SLC6A17: variants seen among roughly 807,000 people sequenced by gnomAD.
The protein encoded by SLC6A17 is solute carrier family 6 member 17, also known as sodium-dependent neutral amino acid transporter SLC6A17.
Under a neutral mutation model 64.5 loss-of-function variants are expected in SLC6A17, and 21 were observed. That is an observed-to-expected ratio of 0.33 (90% confidence interval 0.23 to 0.47). The LOEUF is 0.47. Among genes scored for constraint, SLC6A17 ranks in the 20% least tolerant of loss-of-function variants. The pLI is 1.00. For missense variants in SLC6A17, 682 were observed against 963.2 expected (o/e 0.71, Z 3.86); for synonymous variants, 372 against 399.5 (o/e 0.93, Z 0.82).
In SLC6A17 at chr1:110,192,556, A is replaced by G. The variant is rs1231543095; in HGVS notation, c.1157A>G (p.Asp386Gly). The G allele has an allele frequency of 8.7e-6, 14 of 1,614,100 alleles. No individual in the cohort carries two copies. Among genetic ancestry groups the G allele is most frequent in the Non-Finnish European group, 1.2e-5 (14 of 1,179,998 alleles). The change falls in exon 8 of 12, where the codon GAC (aspartate) becomes GGC (glycine). Residue 386 changes from aspartate (D) to glycine (G), a missense_variant. By Grantham distance (94) the Asp-to-Gly change is moderately conservative. Transcript: ENST00000331565. The surrounding 1 kb of genome is among the most constrained non-coding windows in gnomAD (Gnocchi z 4.3). Reference sequence around the variant, plus strand: ...CTTAACACCAACGTCCTGAGCCGGGACCTCATCCCACCCCACGTCAACTTC... The same window carrying G: ...CTTAACACCAACGTCCTGAGCCGGGGCCTCATCCCACCCCACGTCAACTTC... ...GYLNTNVLSR[D>G]LIPPHVNFSH...
rs556417641 is a variant in SLC6A17, at chr1:110,150,987, A to AGGCGGCGCTGCC, written c.-88+105_-88+116dup. On this transcript the variant is annotated intron_variant, in intron 1 of 11. Coordinates refer to ENST00000331565, the MANE Select transcript of SLC6A17 (RefSeq NM_001010898.4). Reference sequence around the variant, plus strand: ...AGGGAGGGCTGAGGACCAAGGTGTGAGGCGGCGCTGCCCCCGCATCCGCCC... The same window carrying AGGCGGCGCTGCC: ...AGGGAGGGCTGAGGACCAAGGTGTGAGGCGGCGCTGCCGGCGGCGCTGCCCCCGCATCCGCCC... The AGGCGGCGCTGCC allele has an allele frequency of 2.6e-4, 40 of 152,302 alleles. 1 individual carries two copies. The East Asian group carries it at 5.0e-3, about 19-fold the overall frequency. 9.4% of individuals were successfully genotyped at this position (152,302 alleles called of 1,614,324 possible).
Position 110,192,442 on chromosome 1 carries a change from T to G in SLC6A17, c.1107-64T>G. 6.5e-7 allele frequency: 1 copy of G among 1,546,834 alleles called. No homozygotes were observed. Among genetic ancestry groups the G allele is most frequent in the Non-Finnish European group, 8.8e-7 (1 of 1,141,754 alleles). ...CCCACCTGGGTGCCTGGGAAGAGCC[T>G]CCAGGATCTCACCCATTGCCCACCC... On this transcript the variant is annotated intron_variant, in intron 7 of 11. Transcript: ENST00000331565. The surrounding 1 kb of genome is among the most constrained non-coding windows in gnomAD (Gnocchi z 4.3).
intron 6 of SLC6A17, among the ~76,000 whole-genome samples, chr1:110,179,501 C>A (rs1175648054): frequency 6.6e-6 from 1 of 150,964 alleles, no homozygotes; most frequent in Non-Finnish European, 1.5e-5. Context: ...GTGCTTCTTT[C>A]CTTCCTTCTT....
chr1:110,198,168 C>T lies in SLC6A17; in HGVS notation c.1908C>T (p.Phe636=), dbSNP rs778415102. The T allele has an allele frequency of 2.9e-5, 46 of 1,613,958 alleles. No homozygotes were observed. In the East Asian group the frequency reaches 4.2e-4, roughly 15 times the overall value. ...VVATLPIPVV[F]VLRHFHLLSD... Reference sequence around the variant, plus strand: ...CGACGCTGCCCATCCCTGTGGTGTTCGTCCTGCGGCACTTCCACCTGCTCT... The same window carrying T: ...CGACGCTGCCCATCCCTGTGGTGTTTGTCCTGCGGCACTTCCACCTGCTCT... The change falls in exon 12 of 12, where the codon TTC becomes TTT. Residue 636 remains phenylalanine (F), a synonymous_variant. Transcript: ENST00000331565.
In SLC6A17 at chr1:110,167,223, A is replaced by C. The variant is rs1199312267; in HGVS notation, c.286+8A>C. 3 of 1,607,820 alleles carry C rather than the reference A, an allele frequency of 1.9e-6. No homozygotes were observed. Among genetic ancestry groups the C allele is most frequent in the African/African-American group, 1.3e-5 (1 of 74,728 alleles). On this transcript the variant is annotated splice_region_variant and intron_variant, in intron 2 of 11. Coordinates refer to ENST00000331565, the MANE Select transcript of SLC6A17 (RefSeq NM_001010898.4). ...GCCAGAAAAATGGAGGAGGTAAGAG[A>C]CAGCTCTGCCTGCATCAGGGGTCCC...
intron 1 of SLC6A17, among the ~76,000 whole-genome samples, chr1:110,165,029 C>A (rs749479110): frequency 1.3e-5 from 2 of 152,200 alleles, no homozygotes; most frequent in Non-Finnish European, 2.9e-5. Flanking sequence ...CCAGAGGGAC[C>A]CCCACCCTTC....
chr1:110,175,159 G>T (rs1656341354), intron 5 of SLC6A17, among the ~76,000 whole-genome samples, 199 bp downstream of exon 5: 1 of 152,216 alleles, frequency 6.6e-6, no homozygotes, highest in African/African-American at 2.4e-5. Context: ...TAGCTGGAAA[G>T]TCATTGCCCT....
intron 1 of SLC6A17, among the ~76,000 whole-genome samples, chr1:110,158,390 T>C (rs1245706656): frequency 6.6e-6 from 1 of 152,238 alleles, no homozygotes; most frequent in African/African-American, 2.4e-5. Context: ...CACTGTGTCC[T>C]TGGGCTTGCA....
rs1656333677 is a variant in SLC6A17 at position 110,174,912 on chromosome 1, G to A, written c.705G>A (p.Trp235Ter). 1 of 1,614,192 alleles carries A rather than the reference G, an allele frequency of 6.2e-7. No individual in the cohort carries two copies. The highest frequency in any genetic ancestry group is 8.5e-7 in the Non-Finnish European group (1 of 1,180,030). The change falls in exon 5 of 12, where the codon TGG becomes TGA. Residue 235 changes from tryptophan (W) to a stop codon, truncating the protein, a stop_gained. Coordinates refer to ENST00000331565, the MANE Select transcript of SLC6A17 (RefSeq NM_001010898.4). LOFTEE classifies it high-confidence loss of function. ...WKMTLCLLVA[W>*]SIVGMAVVKG... is the part of the protein sequence containing the mutation. ...TGACCCTGTGCCTCCTCGTGGCCTG[G>A]AGCATCGTGGGGATGGCTGTCGTTA...
At chr1:110,182,971 G>A (rs1356874068) in intron 6 of SLC6A17, among the ~76,000 whole-genome samples, 1 of 152,124 alleles carries the variant, frequency 6.6e-6, no homozygotes, top group East Asian at 1.9e-4. Context: ...TGGGGTCAAG[G>A]GTGTTATTTC....
chr1:110,189,493 C>T (rs1224856237), intron 6 of SLC6A17, among the ~76,000 whole-genome samples: 1 of 152,222 alleles, frequency 6.6e-6, no homozygotes, highest in Non-Finnish European at 1.5e-5. Context: ...CCAGCCTGGA[C>T]CCCAGAAGCC....
chr1:110,197,471 C>A lies in SLC6A17; in HGVS notation c.1687C>A (p.Arg563Ser), dbSNP rs368410351. ...GGAGCTGACGGAGATGCTGGGCTTC[C>A]GCCCCTACCGCTTCTATTTCTACAT... Reference protein sequence around the residue: ...MQELTEMLGFRPYRFYFYMWK... With the variant: ...MQELTEMLGFSPYRFYFYMWK... Residue 563 changes from arginine to serine, a missense_variant, in exon 11 of 12, where the codon CGC becomes AGC. Arg to Ser is a moderately radical substitution (Grantham distance 110). This residue lies in a region of SLC6A17 where 264 missense variants were observed against 339.5 expected (regional missense o/e 0.78). Transcript: ENST00000331565. The A allele has an allele frequency of 7.8e-5, 126 of 1,613,318 alleles. No homozygotes were observed. Among genetic ancestry groups the A allele is most frequent in the Non-Finnish European group, 1.1e-4 (124 of 1,179,874 alleles).
chr1:110,162,996 C>T (rs895489812), intron 1 of SLC6A17, among the ~76,000 whole-genome samples: 1 of 129,380 alleles, frequency 7.7e-6, no homozygotes, highest in African/African-American at 3.1e-5. Context: ...TACTCCTGAG[C>T]AGGATCACCA....
In SLC6A17 at chr1:110,200,077, G is replaced by A. The variant is rs913595830; in HGVS notation, c.*1633G>A. On this transcript the variant is annotated 3_prime_UTR_variant, in exon 12 of 12. Coordinates refer to ENST00000331565, the MANE Select transcript of SLC6A17 (RefSeq NM_001010898.4). ...AGAAACAGGCCACAGTGCTCAACCCGGACACCCTCACGAAGGGTCGCAAGT... is the reference window on the plus strand; with the variant it reads ...AGAAACAGGCCACAGTGCTCAACCCAGACACCCTCACGAAGGGTCGCAAGT... 5.0e-5 allele frequency: 20 copies of A among 398,470 alleles called. No individual in the cohort carries two copies. Among genetic ancestry groups the A allele is most frequent in the Admixed American group, 1.8e-4 (4 of 22,718 alleles). 24.7% of individuals were successfully genotyped at this position (398,470 alleles called of 1,614,324 possible).
intron 6 of SLC6A17, among the ~76,000 whole-genome samples, chr1:110,183,978 G>A (rs940214343): frequency 1.3e-5 from 2 of 150,700 alleles, no homozygotes; most frequent in Admixed American, 6.6e-5. Context: ...TCAGGAGTGT[G>A]CAGTGGACTC....
chr1:110,201,609 G>A lies in SLC6A17; in HGVS notation c.*3165G>A, dbSNP rs1432249222. On this transcript the variant is annotated 3_prime_UTR_variant, in exon 12 of 12. Transcript: ENST00000331565. ...GTAGGGCACATCAGTTAATGCCAGT[G>A]AGGTCAGCTTCTGCCCTCCAGCAAT... The A allele has an allele frequency of 6.6e-6, 1 of 152,230 alleles. No homozygotes were observed. Among genetic ancestry groups the A allele is most frequent in the Non-Finnish European group, 1.5e-5 (1 of 68,072 alleles). The allele number at this position is 152,230 out of a possible 1,614,324, so 9.4% of individuals were successfully genotyped here.
rs1399413677 is a variant in SLC6A17 at position 110,192,910 on chromosome 1, G to A, written c.1299+212G>A. 6.6e-6 allele frequency among the ~76,000 whole-genome samples: 1 copy of A among 152,224 alleles called. No individual in the cohort carries two copies. Among genetic ancestry groups the A allele is most frequent in the African/African-American group, 2.4e-5 (1 of 41,454 alleles). On this transcript the variant is annotated intron_variant, in intron 8 of 11. Coordinates refer to ENST00000331565, the MANE Select transcript of SLC6A17 (RefSeq NM_001010898.4). The surrounding 1 kb of genome is among the most constrained non-coding windows in gnomAD (Gnocchi z 4.3). ...AGGTAGGCTTGAGCCTAGACAAGAA[G>A]TAGGGCAGACACACACCTCTCAGAA...
In SLC6A17 at chr1:110,197,635, C is replaced by T. The variant is rs771939387; in HGVS notation, c.1815+36C>T. ...GGGCCCCAAACCCCAGGGACATTTG[C>T]ATCTTCTCAGGCCTTGAATGCAACC... On this transcript the variant is annotated intron_variant, in intron 11 of 11. Coordinates refer to ENST00000331565, the MANE Select transcript of SLC6A17 (RefSeq NM_001010898.4). 9.0e-6 allele frequency: 14 copies of T among 1,554,844 alleles called. No homozygotes were observed. In the East Asian group the frequency reaches 1.1e-4, roughly 13 times the overall value.
chr1:110,170,659 G>A (rs1019953527), intron 2 of SLC6A17, among the ~76,000 whole-genome samples: 3 of 152,218 alleles, frequency 2.0e-5, no homozygotes, highest in African/African-American at 4.8e-5. Context: ...TCTCCTTTGA[G>A]CACCATGATG....
Sources: gnomAD v4.1 joint callset for allele counts (sites outside exome capture counted in the v4.1 genomes callset) on GRCh38, gnomAD v4.1.1 for gene constraint, gnomAD v4.1.1 regional missense constraint, Gnocchi (gnomAD v3.1) non-coding constraint, MANE v1.5 for transcripts, NCBI Gene and HGNC (gene_info 2026-07-23, HGNC 2026-07-21) for gene names.